ADK: variants seen among roughly 807,000 people sequenced by gnomAD.
ADK encodes the protein N6,N6-dimethyladenosine kinase.
ADK carries 24 observed loss-of-function variants against 44.7 expected under a neutral mutation model. The ratio of observed to expected loss-of-function variants is 0.54; its 90% CI spans 0.39 to 0.76. The LOEUF (loss-of-function observed/expected upper bound fraction) is 0.76, where lower values mean the gene tolerates loss of function less well. ADK is among the 30% of genes least tolerant of loss of function. ADK has a pLI of 0.00. For synonymous variants in ADK, 128 were observed against 142.6 expected (o/e 0.90, Z 0.73); for missense variants, 321 against 425.1 (o/e 0.76, Z 2.15).
intron 10 of ADK, among the ~76,000 whole-genome samples, chr10:74,703,088 A>T (rs893321901): frequency 3.3e-5 from 5 of 152,206 alleles, no homozygotes; most frequent in African/African-American, 1.2e-4. Context: ...TGTGTGTAGT[A>T]GTCTGCCTGG....
At chr10:74,558,756 A>T (rs922746909) in intron 7 of ADK, among the ~76,000 whole-genome samples, 1 of 152,206 alleles carries the variant, frequency 6.6e-6, no homozygotes, top group Non-Finnish European at 1.5e-5. Context: ...ATGGGCCATG[A>T]GCCAAAGGAT....
intron 4 of ADK, 27 bp downstream of exon 4, chr10:74,314,772 A>G: frequency 2.0e-6 from 3 of 1,503,472 alleles, no homozygotes; most frequent in Non-Finnish European, 2.8e-6. Flanking sequence ...AAAAGTTAAA[A>G]GGATTCAAAA....
intron 6 of ADK, among the ~76,000 whole-genome samples, chr10:74,474,969 T>C (rs1259720190): frequency 6.6e-6 from 1 of 151,922 alleles, no homozygotes; most frequent in African/African-American, 2.4e-5. Context: ...CTACTAAAAA[T>C]ACAAAATTAA....
chr10:74,650,787 A>T (rs1223496673), intron 9 of ADK, among the ~76,000 whole-genome samples: 1 of 152,222 alleles, frequency 6.6e-6, no homozygotes, highest in Non-Finnish European at 1.5e-5. Context: ...TGAGGAAGTT[A>T]AAATAGTATT....
intron 7 of ADK, among the ~76,000 whole-genome samples, chr10:74,539,573 C>T (rs1433773772): frequency 1.3e-5 from 2 of 151,958 alleles, no homozygotes; most frequent in African/African-American, 4.8e-5. Context: ...ATATAGATCT[C>T]TTTATTCCCC....
intron 3 of ADK, among the ~76,000 whole-genome samples, chr10:74,233,257 T>C (rs1448057469): frequency 1.3e-5 from 2 of 152,226 alleles, no homozygotes; most frequent in Non-Finnish European, 2.9e-5. Flanking sequence ...GAAAAATCGC[T>C]AAACTGCCTT....
chr10:74,305,713 TTTTC>T (rs1840223399), intron 3 of ADK, among the ~76,000 whole-genome samples: 1 of 151,952 alleles, frequency 6.6e-6, no homozygotes, highest in Admixed American at 6.6e-5. Flanking sequence ...AGCCATTTTT[TTTTC>T]TTTCTTTCCT....
chr10:74,353,045 C>T (rs968590678), intron 4 of ADK, among the ~76,000 whole-genome samples: 13 of 152,090 alleles, frequency 8.5e-5, no homozygotes, highest in African/African-American at 1.9e-4. Context: ...ACCATTTGAC[C>T]GAGCAATCCC....
At chr10:74,279,970 A>G (rs1846859652) in intron 3 of ADK, among the ~76,000 whole-genome samples, 1 of 152,072 alleles carries the variant, frequency 6.6e-6, no homozygotes, top group Admixed American at 6.5e-5. Flanking sequence ...TAAGGCTGCA[A>G]TGAGTTATTA....
At chr10:74,231,963 C>T (rs1908334) in intron 3 of ADK, among the ~76,000 whole-genome samples, 31,050 of 145,098 alleles carry the variant, frequency 0.21, 4,347 homozygotes, top group African/African-American at 0.41. Flanking sequence ...TTTTGTTTGT[C>T]TTTTTTTTTT....
At position 74,444,817 on chromosome 10, in the gene ADK, T is replaced by C. The variant is rs529592788; in HGVS notation, c.555+46238T>C. On this transcript the variant is annotated intron_variant, in intron 6 of 10. Coordinates refer to ENST00000539909, the MANE Select transcript of ADK (RefSeq NM_006721.4). ...TTTTCCTAAAAGATAAGATTTTTTT[T>C]CCCATAATGGTTCATTTGTCTGACT... 1.1e-3 allele frequency among the ~76,000 whole-genome samples: 166 copies of C among 152,090 alleles called. 1 individual carries two copies. Among genetic ancestry groups the C allele is most frequent in the Admixed American group, 3.6e-3 (55 of 15,278 alleles).
intron 1 of ADK, chr10:74,176,740 G>T: frequency 6.6e-7 from 1 of 1,520,020 alleles, no homozygotes; most frequent in Non-Finnish European, 8.8e-7. Flanking sequence ...GCCCGCGCGC[G>T]GGGTGTGTGA....
chr10:74,390,705 T>G (rs1414081732), intron 4 of ADK, among the ~76,000 whole-genome samples: 1 of 152,186 alleles, frequency 6.6e-6, no homozygotes, highest in Admixed American at 6.5e-5. Context: ...AATCACACAT[T>G]ACATGTATTA....
intron 4 of ADK, among the ~76,000 whole-genome samples, chr10:74,379,686 A>G (rs1842921925): frequency 6.6e-6 from 1 of 151,992 alleles, no homozygotes; most frequent in African/African-American, 2.4e-5. Context: ...GTCACTCTTT[A>G]CCCAATCAGC....
At chr10:74,407,550 G>A (rs145752322) in intron 6 of ADK, among the ~76,000 whole-genome samples, 133 of 151,980 alleles carry the variant, frequency 8.8e-4, no homozygotes, top group African/African-American at 3.1e-3. Context: ...GGTATTCATT[G>A]TTTCCTCATA....
intron 3 of ADK, among the ~76,000 whole-genome samples, chr10:74,237,427 A>T (rs2132287516): frequency 6.6e-6 from 1 of 152,292 alleles, no homozygotes; most frequent in Admixed American, 6.5e-5. Flanking sequence ...ATCTGCAGTG[A>T]CTTCTTCCCT....
chr10:74,229,689 G>A (rs547927427), intron 3 of ADK, among the ~76,000 whole-genome samples: 20 of 152,216 alleles, frequency 1.3e-4, no homozygotes, highest in Non-Finnish European at 1.9e-4. Context: ...GAGCCACCGC[G>A]CCCGGTCTGG....
chr10:74,500,277 CT>C (rs1847844977), intron 6 of ADK, among the ~76,000 whole-genome samples: 2 of 152,234 alleles, frequency 1.3e-5, no homozygotes, highest in East Asian at 1.9e-4. Context: ...GACTACTCTA[CT>C]TTTTCCCCCA....
intron 6 of ADK, among the ~76,000 whole-genome samples, chr10:74,477,307 C>A (rs190119003): frequency 1.4e-4 from 21 of 152,120 alleles, no homozygotes; most frequent in African/African-American, 4.1e-4. Flanking sequence ...CAGGCACAAG[C>A]GATCCTCCCA....
Sources: gnomAD v4.1 joint callset for allele counts (sites outside exome capture counted in the v4.1 genomes callset) on GRCh38, gnomAD v4.1.1 for gene constraint, MANE v1.5 for transcripts, NCBI Gene and HGNC (gene_info 2026-07-23, HGNC 2026-07-21) for gene names.